Variants in DHRSX observed in about 807,000 individuals in gnomAD.
The protein encoded by DHRSX is dehydrogenase/reductase X-linked.
A neutral mutation model predicts 34.0 loss-of-function variants in DHRSX; 31 were observed. That is an observed-to-expected ratio of 0.91 (90% CI 0.69 to 1.23). The LOEUF is 1.23. Ranked by LOEUF, DHRSX falls within the 50% of genes most tolerant of loss-of-function variation. The probability of loss-of-function intolerance (pLI) is 0.00; values close to 1 mark genes in which losing one functional copy is unlikely to be tolerated. For synonymous variants in DHRSX, 201 were observed against 183.8 expected (o/e 1.09, Z -0.76); for missense variants, 414 against 428.1 (o/e 0.97, Z 0.29).
intron 3 of DHRSX, among the ~76,000 whole-genome samples, chrX:2,300,014 G>T (rs1287819911): frequency 6.6e-6 from 1 of 151,886 alleles, no homozygotes; most frequent in African/African-American, 2.4e-5. Flanking sequence ...TAGGGATCAA[G>T]AAGAAAAAAA....
intron 3 of DHRSX, among the ~76,000 whole-genome samples, chrX:2,384,779 G>A (rs998419934): frequency 1.5e-5 from 2 of 133,578 alleles, no homozygotes; most frequent in African/African-American, 5.4e-5. Context: ...GGGGGAGGGG[G>A]GGGATGGCAT....
At chrX:2,440,119 C>G (rs2044043961) in intron 1 of DHRSX, among the ~76,000 whole-genome samples, 1 of 152,200 alleles carries the variant, frequency 6.6e-6, no homozygotes, top group Non-Finnish European at 1.5e-5. Context: ...AAAACAAGGT[C>G]AGTAGCATCT....
At chrX:2,330,656 TGAAGGAGAA>T (rs375740769) in intron 3 of DHRSX, among the ~76,000 whole-genome samples, 33 of 119,500 alleles carry the variant, frequency 2.8e-4, no homozygotes, top group African/African-American at 1.0e-3. Context: ...CGAAAGAAGA[TGAAGGAGAA>T]GAAGGAGAAG....
intron 1 of DHRSX, among the ~76,000 whole-genome samples, chrX:2,479,912 G>A (rs909478407): frequency 6.6e-6 from 1 of 152,166 alleles, no homozygotes; most frequent in African/African-American, 2.4e-5. Context: ...GCCAAGGGAC[G>A]GACGCCATGG....
At chrX:2,243,485 T>C (rs904503316) in intron 5 of DHRSX, among the ~76,000 whole-genome samples, 1 of 152,070 alleles carries the variant, frequency 6.6e-6, no homozygotes, top group African/African-American at 2.4e-5. Flanking sequence ...ATTTTTTATT[T>C]ATTTATTTAT....
At chrX:2,231,683 CTCT>C (rs1484452615) in intron 6 of DHRSX, among the ~76,000 whole-genome samples, 10 of 139,344 alleles carry the variant, frequency 7.2e-5, no homozygotes, top group African/African-American at 2.6e-4. Flanking sequence ...CTCCTCTTTT[CTCT>C]TCTTGCCTTT....
intron 6 of DHRSX, among the ~76,000 whole-genome samples, chrX:2,240,780 G>A (rs138772665): frequency 0.021 from 3,203 of 152,210 alleles, 78 homozygotes; most frequent in African/African-American, 0.061. Flanking sequence ...AGCTTCTCAA[G>A]GTTCTTTCTT....
chrX:2,295,138 G>A (rs1482676132), intron 3 of DHRSX, among the ~76,000 whole-genome samples: 2 of 151,986 alleles, frequency 1.3e-5, no homozygotes, highest in Non-Finnish European at 2.9e-5. Flanking sequence ...CGTTTATTGC[G>A]GAACTATTAA....
At chrX:2,233,590 G>A (rs1394383951) in intron 6 of DHRSX, among the ~76,000 whole-genome samples, 1 of 152,078 alleles carries the variant, frequency 6.6e-6, no homozygotes, top group African/African-American at 2.4e-5. Context: ...GAGAGTGTTG[G>A]AGCTGCAAGC....
chrX:2,380,822 C>G lies in DHRSX; in HGVS notation c.286+27923G>C, dbSNP rs183081425. Reference sequence around the variant, plus strand: ...AATGTCTGTGTCCTCTCGAAATCCCCATTTTTTGGTTATTGTTTTGTTTTG... The same window carrying G: ...AATGTCTGTGTCCTCTCGAAATCCCGATTTTTTGGTTATTGTTTTGTTTTG... On this transcript the variant is annotated intron_variant, in intron 3 of 6. Transcript: ENST00000334651. Among the ~76,000 whole-genome samples, 1,222 of 152,230 alleles carry G rather than the reference C, an allele frequency of 8.0e-3. 33 individuals are homozygous for G. The East Asian group carries it at 0.093, about 12-fold the overall frequency.
At chrX:2,383,667 A>G (rs1391056605) in intron 3 of DHRSX, among the ~76,000 whole-genome samples, 1 of 152,154 alleles carries the variant, frequency 6.6e-6, no homozygotes, top group Non-Finnish European at 1.5e-5. Flanking sequence ...TGTTCCATGG[A>G]CCATCATGGG....
At chrX:2,440,036 T>C (rs1053169722) in intron 1 of DHRSX, among the ~76,000 whole-genome samples, 1 of 152,190 alleles carries the variant, frequency 6.6e-6, no homozygotes, top group African/African-American at 2.4e-5. Flanking sequence ...GAATTCAGCA[T>C]TGAGTCACTG....
chrX:2,396,910 A>C (rs2043419736), intron 3 of DHRSX, among the ~76,000 whole-genome samples: 2 of 151,906 alleles, frequency 1.3e-5, no homozygotes, highest in Admixed American at 1.3e-4. Context: ...AATTGCTCTT[A>C]ATATTTTAAA....
intron 3 of DHRSX, among the ~76,000 whole-genome samples, chrX:2,301,469 C>T (rs1396746319): frequency 6.6e-6 from 1 of 152,154 alleles, no homozygotes. Flanking sequence ...CTTTGCTGAG[C>T]CTTGCACATT....
At chrX:2,431,357 CA>C (rs2043920589) in intron 1 of DHRSX, among the ~76,000 whole-genome samples, 1 of 150,710 alleles carries the variant, frequency 6.6e-6, no homozygotes, top group Non-Finnish European at 1.5e-5. Context: ...AAAAAACCCC[CA>C]AACTTTGTCC....
chrX:2,272,649 C>CT (rs1446290596), intron 4 of DHRSX, among the ~76,000 whole-genome samples: 10 of 152,070 alleles, frequency 6.6e-5, no homozygotes, highest in African/African-American at 2.4e-4. Context: ...GCCTGACATG[C>CT]TGGAGAGGCC....
chrX:2,325,768 T>C (rs902096851), intron 3 of DHRSX, among the ~76,000 whole-genome samples: 1 of 152,208 alleles, frequency 6.6e-6, no homozygotes, highest in Non-Finnish European at 1.5e-5. Context: ...CTCCTCAAAC[T>C]GGACTATAAA....
chrX:2,381,797 CAAAAAAAAA>C (rs767319246), intron 3 of DHRSX, among the ~76,000 whole-genome samples: 1,786 of 81,642 alleles, frequency 0.022, 42 homozygotes, highest in African/African-American at 0.083. Context: ...AAGCCACAAC[CAAAAAAAAA>C]AAAAAAAAAA....
rs747257527 is a variant in DHRSX at position 2,274,441 on chromosome X, G to A, written c.389-7494C>T. The stretch of plus-strand genomic sequence containing the variant: ...TTTTTATTTCATTTTTTTTGAGATG[G>A]AGTCTCACTCTGTTGCCCAGGCTGG... On this transcript the variant is annotated intron_variant, in intron 4 of 6. Coordinates refer to ENST00000334651, the MANE Select transcript of DHRSX (RefSeq NM_145177.3). Among the ~76,000 whole-genome samples, 7 of 151,198 alleles carry A rather than the reference G, an allele frequency of 4.6e-5. No homozygotes were observed. The South Asian group carries it at 1.5e-3, about 32-fold the overall frequency.
Sources: gnomAD v4.1 joint callset for allele counts (sites outside exome capture counted in the v4.1 genomes callset) on GRCh38, gnomAD v4.1.1 for gene constraint, MANE v1.5 for transcripts, NCBI Gene and HGNC (gene_info 2026-07-23, HGNC 2026-07-21) for gene names.